Variants in ITGA2 observed in about 807,000 individuals in gnomAD.
The protein encoded by ITGA2 is integrin subunit alpha 2, also known as integrin alpha-2.
Under a neutral mutation model 146.3 loss-of-function variants are expected in ITGA2, and 101 were observed. The ratio of observed to expected loss-of-function variants is 0.69; its 90% CI spans 0.59 to 0.81. The LOEUF is 0.81. Ranked by LOEUF, ITGA2 falls within the 40% of genes least tolerant of loss-of-function variation. The pLI is 0.00. For missense variants in ITGA2, 1,281 were observed against 1,402.7 expected (o/e 0.91, Z 1.39); for synonymous variants, 477 against 487.1 (o/e 0.98, Z 0.27).
Position 53,026,412 on chromosome 5 carries a change from A to T in ITGA2, c.65-336A>T, listed in dbSNP as rs183050811. Among the ~76,000 whole-genome samples the T allele has an allele frequency of 5.4e-4, 82 of 152,318 alleles. 1 individual carries two copies. The highest frequency in any genetic ancestry group is 1.0e-3 in the Admixed American group (16 of 15,286). On this transcript the variant is annotated intron_variant, in intron 1 of 29. Coordinates refer to ENST00000296585, the MANE Select transcript of ITGA2 (RefSeq NM_002203.4). ...TTTAGTTGTTTTAAGTCTTGTGTTC[A>T]AATTTTGTCTTCATCCTTTCCTCTT...
At chr5:53,051,617 A>AC in intron 7 of ITGA2, 58 bp downstream of exon 7, 14 of 1,477,772 alleles carry the variant, frequency 9.5e-6, no homozygotes, top group Non-Finnish European at 1.2e-5. Context: ...ATATTTATGT[A>AC]ATAAATATGA....
chr5:52,992,310 A>G (rs1030347741), intron 1 of ITGA2, among the ~76,000 whole-genome samples: 1 of 151,732 alleles, frequency 6.6e-6, no homozygotes, highest in African/African-American at 2.4e-5. Flanking sequence ...CCTCCTCTTC[A>G]TTCTGCAGAT....
chr5:53,080,490 C>A, intron 24 of ITGA2, 21 bp from the exon 25 acceptor site: 1 of 1,582,576 alleles, frequency 6.3e-7, no homozygotes, highest in Non-Finnish European at 8.7e-7. Flanking sequence ...GCAGTACTGG[C>A]ACATTTTATT....
chr5:53,061,046 G>A lies in ITGA2; in HGVS notation c.1458G>A (p.Gln486=). 1 of 1,611,942 alleles carries A rather than the reference G, an allele frequency of 6.2e-7. No homozygotes were observed. Among genetic ancestry groups the A allele is most frequent in the South Asian group, 1.1e-5 (1 of 91,054 alleles). Residue 486 remains glutamine, a splice_region_variant and synonymous_variant, in exon 12 of 30, where the codon CAG becomes CAA. Transcript: ENST00000296585. The part of the protein sequence containing the change: ...ITVIQAHRGD[Q]IGSYFGSVLC... ...TTATTCAGGCTCACCGAGGTGACCA[G>A]GTAAATCTCACTGTTTAGCAGGTGA...
intron 1 of ITGA2, 41 bp downstream of exon 1, chr5:52,989,573 C>A: frequency 6.2e-7 from 1 of 1,609,618 alleles, no homozygotes; most frequent in Non-Finnish European, 8.5e-7. Context: ...CAGGAGGGAC[C>A]CGCGCGGCTT....
intron 2 of ITGA2, among the ~76,000 whole-genome samples, chr5:53,039,783 A>C (rs572701249): frequency 8.3e-4 from 125 of 151,026 alleles, no homozygotes; most frequent in Non-Finnish European, 1.3e-3. Flanking sequence ...TTTCTGCTTA[A>C]CTTTTCCTTA....
At chr5:53,018,439 G>A (rs948472290) in intron 1 of ITGA2, among the ~76,000 whole-genome samples, 1 of 152,046 alleles carries the variant, frequency 6.6e-6, no homozygotes, top group Non-Finnish European at 1.5e-5. Flanking sequence ...AAGTTGCTGG[G>A]GACCAGGAAG....
chr5:53,049,979 G>C (rs1422242072), intron 6 of ITGA2, among the ~76,000 whole-genome samples: 11 of 152,164 alleles, frequency 7.2e-5, no homozygotes, highest in African/African-American at 2.2e-4. Context: ...AGTACCAAGA[G>C]TATCTCAATA....
intron 2 of ITGA2, among the ~76,000 whole-genome samples, chr5:53,029,239 T>A (rs3212427): frequency 0.033 from 5,058 of 152,234 alleles, 134 homozygotes; most frequent in East Asian, 0.074. Context: ...GCCACTGCAC[T>A]CTAGCTTGGG....
rs138940979 is a variant in ITGA2 at position 53,070,978 on chromosome 5, A to C, written c.2235+718A>C. On this transcript the variant is annotated intron_variant, in intron 17 of 29. Transcript: ENST00000296585. The stretch of plus-strand genomic sequence containing the variant: ...GAACTGCCAGGGAAACTTTTGGGAA[A>C]TGTATATTCTGGGTTCTTACCATCA... Among the ~76,000 whole-genome samples the C allele has an allele frequency of 3.2e-3, 489 of 152,028 alleles. 1 individual carries two copies. The highest frequency in any genetic ancestry group is 0.011 in the African/African-American group (473 of 41,536).
chr5:53,073,247 A>G lies in ITGA2; in HGVS notation c.2559A>G (p.Ser853=), dbSNP rs1283505392. ...VDFSENLFFA[S]FSLPVDGTEV... ...TTTCAGAAAACTTGTTTTTTGCATC[A>G]TTCTCCCTGCCGGTATGTGATGAGA... The change falls in exon 20 of 30, where the codon TCA becomes TCG. Residue 853 remains serine, a synonymous_variant. Transcript: ENST00000296585. The G allele has an allele frequency of 6.2e-7, 1 of 1,612,348 alleles. No individual in the cohort carries two copies. The highest frequency in any genetic ancestry group is 2.2e-5 in the East Asian group (1 of 44,800).
intron 14 of ITGA2, among the ~76,000 whole-genome samples, chr5:53,065,579 G>C (rs757475438): frequency 1.3e-5 from 2 of 151,786 alleles, no homozygotes; most frequent in Admixed American, 1.3e-4. Context: ...GCATCAATTT[G>C]CTCCAAGTCC....
chr5:53,020,849 T>A, intron 1 of ITGA2, among the ~76,000 whole-genome samples: 1 of 134,200 alleles, frequency 7.5e-6, no homozygotes, highest in Non-Finnish European at 1.6e-5. Context: ...GTCCGGCTAA[T>A]TTTTTTTTTT....
chr5:53,091,086 AC>A lies in ITGA2; in HGVS notation c.*488del, dbSNP rs889346608. ...ATATTGATGTTAACAAGAGGGGAAAACAAAACACAGGTTTTTTCAATTTATG... is the reference window on the plus strand; with the variant it reads ...ATATTGATGTTAACAAGAGGGGAAAAAAAACACAGGTTTTTTCAATTTATG... On this transcript the variant is annotated 3_prime_UTR_variant, in exon 30 of 30. Coordinates refer to ENST00000296585, the MANE Select transcript of ITGA2 (RefSeq NM_002203.4). The A allele has an allele frequency of 4.4e-6, 1 of 226,740 alleles. No individual in the cohort carries two copies. The highest frequency in any genetic ancestry group is 2.3e-5 in the African/African-American group (1 of 43,496). 14.0% of individuals were successfully genotyped at this position (226,740 alleles called of 1,614,324 possible). A position where few individuals can be genotyped will look rare whatever the true frequency, so the allele number is the denominator to read the frequency against.
intron 8 of ITGA2, 105 bp from the exon 9 acceptor site, chr5:53,055,879 A>T (rs565112085): frequency 1.5e-4 from 204 of 1,317,454 alleles, no homozygotes; most frequent in Middle Eastern, 2.6e-4. Flanking sequence ...ATGTTGCTTG[A>T]TTTACTTTTC....
rs1195276272 is a variant in ITGA2, at chr5:53,091,611, C to G, written c.*1012C>G. The G allele has an allele frequency of 1.3e-5, 2 of 152,222 alleles. No individual in the cohort carries two copies. The highest frequency in any genetic ancestry group is 2.9e-5 in the Non-Finnish European group (2 of 68,108). 9.4% of individuals were successfully genotyped at this position (152,222 alleles called of 1,614,324 possible). A position where few individuals can be genotyped will look rare whatever the true frequency, so the allele number is the denominator to read the frequency against. On this transcript the variant is annotated 3_prime_UTR_variant, in exon 30 of 30. Coordinates refer to ENST00000296585, the MANE Select transcript of ITGA2 (RefSeq NM_002203.4). The stretch of plus-strand genomic sequence containing the variant: ...ACAGCCTGACTTTCTCTCCAGCGGT[C>G]CAAAGTTATCCCCTCCTTTACCCCT...
chr5:53,078,829 GCA>G lies in ITGA2; in HGVS notation c.2886_2887del (p.His962GlnfsTer3). On this transcript the variant is annotated frameshift_variant, in exon 24 of 30. Coordinates refer to ENST00000296585, the MANE Select transcript of ITGA2 (RefSeq NM_002203.4). LOFTEE classifies it high-confidence loss of function. Reference sequence around the variant, plus strand: ...CGGATGGGAATGTTCCTTCAATCGTGCACAGTTTTGAAGATGTTGGTCCAAAA... The same window carrying G: ...CGGATGGGAATGTTCCTTCAATCGTGCAGTTTTGAAGATGTTGGTCCAAAA... ...SSDGNVPSIV[H>X]SFEDVGPKFI... The G allele has an allele frequency of 6.2e-7, 1 of 1,611,882 alleles. No homozygotes were observed. The highest frequency in any genetic ancestry group is 8.5e-7 in the Non-Finnish European group (1 of 1,178,508).
At chr5:53,084,381 A>C (rs1746063922) in intron 27 of ITGA2, among the ~76,000 whole-genome samples, 1 of 151,722 alleles carries the variant, frequency 6.6e-6, no homozygotes, top group East Asian at 1.9e-4. Flanking sequence ...TCATTTCATG[A>C]TCTCTCCAAT....
chr5:53,028,683 A>G (rs1743072170), intron 2 of ITGA2, among the ~76,000 whole-genome samples: 1 of 152,206 alleles, frequency 6.6e-6, no homozygotes, highest in Non-Finnish European at 1.5e-5. Context: ...GACATACCAA[A>G]CTGAACTGGG....
Sources: gnomAD v4.1 joint callset for allele counts (sites outside exome capture counted in the v4.1 genomes callset) on GRCh38, gnomAD v4.1.1 for gene constraint, MANE v1.5 for transcripts, NCBI Gene and HGNC (gene_info 2026-07-23, HGNC 2026-07-21) for gene names.